MNT: variants seen among roughly 807,000 people sequenced by gnomAD.
The protein encoded by MNT is MAX network transcriptional repressor.
A neutral mutation model predicts 40.7 loss-of-function variants in MNT; 13 were observed. That is an observed-to-expected ratio of 0.32 (90% CI 0.21 to 0.51). MNT has a LOEUF of 0.51. Among genes scored for constraint, MNT ranks in the 20% least tolerant of loss-of-function variants. MNT has a pLI of 0.98. For synonymous variants in MNT, 426 were observed against 354.8 expected, an observed-to-expected ratio of 1.20 and a Z score of -2.26; for missense variants, 757 against 792.0, an observed-to-expected ratio of 0.96 and a Z score of 0.53.
chr17:2,395,603 C>T (rs1297513070), intron 1 of MNT, 149 bp from the exon 2 acceptor site: 19 of 1,425,176 alleles, frequency 1.3e-5, no homozygotes, highest in Non-Finnish European at 1.7e-5. Context: ...CCCAGCCAGG[C>T]ACGGGGGAAA....
In MNT at chr17:2,386,726, G is replaced by A; in HGVS notation, c.*175C>T. 1.7e-6 allele frequency: 1 copy of A among 583,398 alleles called. No individual in the cohort carries two copies. The highest frequency in any genetic ancestry group is 2.9e-6 in the Non-Finnish European group (1 of 348,302). 36.1% of individuals were successfully genotyped at this position (583,398 alleles called of 1,614,324 possible). A position where few individuals can be genotyped will look rare whatever the true frequency, so the allele number is the denominator to read the frequency against. On this transcript the variant is annotated 3_prime_UTR_variant, in exon 6 of 6. Transcript: ENST00000174618. Reference sequence around the variant, plus strand: ...ATCTTACCAAGTCCTAGTGCAGCAGGGTGGCCCTTCCCTCCCTTGGCTCAG... The same window carrying A: ...ATCTTACCAAGTCCTAGTGCAGCAGAGTGGCCCTTCCCTCCCTTGGCTCAG...
Position 2,385,607 on chromosome 17 carries a change from C to G in MNT, c.*1294G>C, listed in dbSNP as rs906992930. The G allele has an allele frequency of 6.6e-6, 1 of 152,384 alleles. No individual in the cohort carries two copies. The highest frequency in any genetic ancestry group is 1.5e-5 in the Non-Finnish European group (1 of 68,112). The allele number at this position is 152,384 out of a possible 1,614,324, so 9.4% of individuals were successfully genotyped here. A position where few individuals can be genotyped will look rare whatever the true frequency, so the allele number is the denominator to read the frequency against. On this transcript the variant is annotated 3_prime_UTR_variant, in exon 6 of 6. Transcript: ENST00000174618. The stretch of plus-strand genomic sequence containing the variant: ...CTGTCCTTGACCCAACCAAGGACCT[C>G]TTCTCAGAGAAAGGTGCTGCTGCTC...
chr17:2,387,774 CAAGA>C (rs1340103148), intron 5 of MNT, 79 bp downstream of exon 5: 36 of 1,545,570 alleles, frequency 2.3e-5, no homozygotes, highest in Non-Finnish European at 2.6e-5. Context: ...TTCTAGCAGG[CAAGA>C]AAGAGCCTGG....
chr17:2,389,075 C>T (rs558385821), intron 4 of MNT, among the ~76,000 whole-genome samples: 1 of 152,132 alleles, frequency 6.6e-6, no homozygotes, highest in South Asian at 2.1e-4. Flanking sequence ...ACAGATCCTC[C>T]TCCCTTTACC....
intron 4 of MNT, chr17:2,392,864 A>AGGGC (rs1296623103): frequency 1.3e-5 from 2 of 152,012 alleles, no homozygotes; most frequent in Admixed American, 6.5e-5. Flanking sequence ...CCTGGCCGGG[A>AGGGC]GGGCGGGCGG....
rs1382989470 is a variant in MNT at position 2,394,025 on chromosome 17, G to C, written c.807+18C>G. On this transcript the variant is annotated intron_variant, in intron 4 of 5. Transcript: ENST00000174618. ...AGGGCGGGGGAAGCTGCGCGACGCC[G>C]GCCTCCGGGCCCCATACCTGGATGT... 3.2e-6 allele frequency: 5 copies of C among 1,543,292 alleles called. No individual in the cohort carries two copies. Among genetic ancestry groups the C allele is most frequent in the Non-Finnish European group, 4.4e-6 (5 of 1,142,716 alleles).
rs763628010 is a variant in MNT, at chr17:2,394,921, G to A, written c.607C>T (p.Pro203Ser). 15 of 1,606,140 alleles carry A rather than the reference G, an allele frequency of 9.3e-6. No homozygotes were observed. Among genetic ancestry groups the A allele is most frequent in the South Asian group, 2.2e-5 (2 of 89,738 alleles). ...PPTLGTLKLA[P>S]AEEVKSSEQK... is the part of the protein sequence containing the mutation. Reference sequence around the variant, plus strand: ...TCACTGGATTTGACTTCTTCAGCTGGTGCCAACTTCAGGGTCCCCAGCGTG... The same window carrying A: ...TCACTGGATTTGACTTCTTCAGCTGATGCCAACTTCAGGGTCCCCAGCGTG... The change falls in exon 2 of 6, where the codon CCA becomes TCA. Residue 203 changes from proline to serine, a missense_variant. Physicochemically the swap from Pro to Ser is moderately conservative, Grantham distance 74. Coordinates refer to ENST00000174618, the MANE Select transcript of MNT (RefSeq NM_020310.3).
chr17:2,395,681 GTCACGGGGGCTGACA>G (rs1484564558), intron 1 of MNT, among the ~76,000 whole-genome samples: 60 of 152,022 alleles, frequency 3.9e-4, no homozygotes, highest in East Asian at 2.7e-3. Context: ...TAGTAGGACA[GTCACGGGGGCTGACA>G]GTCACGGGGG....
chr17:2,388,548 G>A (rs959058231), intron 4 of MNT, among the ~76,000 whole-genome samples: 1 of 151,958 alleles, frequency 6.6e-6, no homozygotes, highest in African/African-American at 2.4e-5. Flanking sequence ...CTGGCTGCTG[G>A]TCTGCACCTG....
In MNT at chr17:2,395,034, G is replaced by A. The variant is rs2066564375; in HGVS notation, c.494C>T (p.Pro165Leu). The A allele has an allele frequency of 1.9e-6, 3 of 1,588,432 alleles. No homozygotes were observed. The highest frequency in any genetic ancestry group is 2.7e-5 in the African/African-American group (2 of 74,436). ...ATIPPNGSPKPLQPLPTPVLT... is the reference protein window; with the variant it reads ...ATIPPNGSPKLLQPLPTPVLT... ...GACAGGCGTGGGGAGGGGCTGCAAAGGCTTGGGGCTGCCATTGGGTGGAAT... is the reference window on the plus strand; with the variant it reads ...GACAGGCGTGGGGAGGGGCTGCAAAAGCTTGGGGCTGCCATTGGGTGGAAT... Residue 165 changes from proline (P) to leucine (L), a missense_variant, in exon 2 of 6, where the codon CCT becomes CTT. Physicochemically the swap from Pro to Leu is moderately conservative, Grantham distance 98 (BLOSUM62 -3). This residue lies in a region of MNT where 335 missense variants were observed against 291.4 expected (regional missense o/e 1.15). Coordinates refer to ENST00000174618, the MANE Select transcript of MNT (RefSeq NM_020310.3).
chr17:2,400,683 G>A lies in MNT; in HGVS notation c.30C>T (p.Ala10=). The change falls in exon 1 of 6, where the codon GCC becomes GCT. Residue 10 remains alanine, a synonymous_variant. Transcript: ENST00000174618. ...GCTGCGCTTGCCATTCCAGGAAGCGGGCCGCCTCCAGTAGCGTCTCTATGC... is the reference window on the plus strand; with the variant it reads ...GCTGCGCTTGCCATTCCAGGAAGCGAGCCGCCTCCAGTAGCGTCTCTATGC... MSIETLLEA[A]RFLEWQAQQQ... is the part of the protein sequence containing the mutation. The A allele has an allele frequency of 6.3e-7, 1 of 1,587,926 alleles. No individual in the cohort carries two copies. Among genetic ancestry groups the A allele is most frequent in the African/African-American group, 1.4e-5 (1 of 71,680 alleles).
chr17:2,390,890 G>A (rs2066507919), intron 4 of MNT: 1 of 152,204 alleles, frequency 6.6e-6, no homozygotes, highest in Non-Finnish European at 1.5e-5. Context: ...CCAGTCCCAG[G>A]CCACACACAG....
intron 1 of MNT, among the ~76,000 whole-genome samples, chr17:2,399,742 G>A (rs2066601859): frequency 6.6e-6 from 1 of 152,220 alleles, no homozygotes; most frequent in East Asian, 1.9e-4. Context: ...GTGGTCGGGG[G>A]CGGAGCCCGT....
chr17:2,397,285 G>A (rs1290046744), intron 1 of MNT, among the ~76,000 whole-genome samples: 3 of 152,180 alleles, frequency 2.0e-5, no homozygotes, highest in Admixed American at 1.3e-4. Context: ...GCAGCCTGCT[G>A]AGTTCCAGTG....
In MNT at chr17:2,395,115, G is replaced by C. The variant is rs1284593021; in HGVS notation, c.413C>G (p.Pro138Arg). Reference protein sequence around the residue: ...GLSIKEPAPLPSRPQVPTPAP... With the variant: ...GLSIKEPAPLRSRPQVPTPAP... ...AGGGGTGGGCACCTGCGGCCTGCTG[G>C]GCAGGGGGGCAGGCTCCTTAATGCT... The change falls in exon 2 of 6, where the codon CCC becomes CGC. Residue 138 changes from proline to arginine, a missense_variant. Transcript: ENST00000174618. 1 of 1,481,758 alleles carries C rather than the reference G, an allele frequency of 6.7e-7. No homozygotes were observed. The highest frequency in any genetic ancestry group is 2.5e-5 in the Admixed American group (1 of 39,276). 91.8% of individuals were successfully genotyped at this position (1,481,758 alleles called of 1,614,324 possible).
chr17:2,385,798 T>C lies in MNT; in HGVS notation c.*1103A>G, dbSNP rs2066452956. On this transcript the variant is annotated 3_prime_UTR_variant, in exon 6 of 6. Coordinates refer to ENST00000174618, the MANE Select transcript of MNT (RefSeq NM_020310.3). ...TTGGTCTGGGGACAGGCTTAGGGCT[T>C]GGCTAAGCCGCTGGGTTTTTACCTT... 6.6e-6 allele frequency: 1 copy of C among 152,266 alleles called. No homozygotes were observed. Among genetic ancestry groups the C allele is most frequent in the Non-Finnish European group, 1.5e-5 (1 of 68,064 alleles). The allele number at this position is 152,266 out of a possible 1,614,324, so 9.4% of individuals were successfully genotyped here.
intron 5 of MNT, 84 bp from the exon 6 acceptor site, chr17:2,387,733 A>T: frequency 6.4e-7 from 1 of 1,572,866 alleles, no homozygotes; most frequent in Non-Finnish European, 8.6e-7. Context: ...GGGGCGTGGG[A>T]ATGTGATGGG....
chr17:2,395,709 G>A (rs960948454), intron 1 of MNT, among the ~76,000 whole-genome samples: 2 of 152,200 alleles, frequency 1.3e-5, no homozygotes, highest in African/African-American at 2.4e-5. Flanking sequence ...CACGGGGGCT[G>A]ACAGTCCGGG....
chr17:2,384,587 C>CGTGCGT lies in MNT; in HGVS notation c.*2313_*2314insACGCAC, dbSNP rs1555610453. On this transcript the variant is annotated 3_prime_UTR_variant, in exon 6 of 6. Transcript: ENST00000174618. ...ACACGCATGAGAGGTAAGATGTGTG[C>CGTGCGT]GTGTGCGTGCGTGTGTGTGTGTGTG... 7.9e-6 allele frequency: 1 copy of CGTGCGT among 126,806 alleles called. No individual in the cohort carries two copies. Among genetic ancestry groups the CGTGCGT allele is most frequent in the Non-Finnish European group, 1.7e-5 (1 of 58,234 alleles). 7.9% of individuals were successfully genotyped at this position (126,806 alleles called of 1,614,324 possible). A position where few individuals can be genotyped will look rare whatever the true frequency, so the allele number is the denominator to read the frequency against.
Sources: allele counts gnomAD v4.1 joint callset (sites outside exome capture counted in the v4.1 genomes callset), GRCh38; gene constraint gnomAD v4.1.1; regional missense constraint gnomAD v4.1.1; transcripts MANE v1.5; gene names NCBI Gene and HGNC (gene_info 2026-07-23, HGNC 2026-07-21).